Variants in AFF2 observed in about 807,000 individuals in gnomAD.
AFF2 encodes the protein AF4/FMR2 family member 2.
AFF2 carries 14 observed loss-of-function variants against 76.9 expected under a neutral mutation model. The observed-to-expected ratio is 0.18, with a 90% CI of 0.12 to 0.28. The LOEUF is 0.28. Ranked by LOEUF, AFF2 falls within the 10% of genes least tolerant of loss-of-function variation. The pLI, the probability that AFF2 is intolerant of heterozygous loss-of-function variation, is 1.00. For synonymous variants in AFF2, 398 were observed against 366.7 expected, an observed-to-expected ratio of 1.09 and a Z score of -0.98; for missense variants, 868 against 1,001.1, an observed-to-expected ratio of 0.87 and a Z score of 1.79.
intron 19 of AFF2, among the ~76,000 whole-genome samples, chrX:148,981,066 G>A (rs2072386268): frequency 1.8e-5 from 2 of 111,841 alleles, no homozygotes; most frequent in Non-Finnish European, 3.8e-5. Flanking sequence ...AGGGAGGCAG[G>A]ACAAAGTTAA....
At chrX:148,554,739 A>T (rs2053032623) in intron 1 of AFF2, among the ~76,000 whole-genome samples, 1 of 112,402 alleles carries the variant, frequency 8.9e-6, no homozygotes, top group African/African-American at 3.2e-5. Flanking sequence ...CTTCCACCCA[A>T]ACTGCTTTTG....
intron 3 of AFF2, among the ~76,000 whole-genome samples, chrX:148,685,024 G>A (rs1458819501): frequency 1.8e-5 from 2 of 112,221 alleles, no homozygotes; most frequent in African/African-American, 6.5e-5. Flanking sequence ...AATGCTTTTT[G>A]ATCTAAGTAG....
intron 13 of AFF2, among the ~76,000 whole-genome samples, chrX:148,965,711 T>G (rs1354997797): frequency 8.9e-6 from 1 of 112,389 alleles, no homozygotes; most frequent in Non-Finnish European, 1.9e-5. Flanking sequence ...CACTGTAGGC[T>G]GGAGCTTTGG....
At position 148,773,690 on chromosome X, in the gene AFF2, G is replaced by GAAAGAA. The variant is rs1454327725; in HGVS notation, c.1042-36184_1042-36179dup. ...GGAAAGAAGGAAGGAAGGAAGGAAA[G>GAAAGAA]AAAGAAAGAAAGAAAGAAAGAAAGA... On this transcript the variant is annotated intron_variant, in intron 3 of 20. Coordinates refer to ENST00000370460, the MANE Select transcript of AFF2 (RefSeq NM_002025.4). Among the ~76,000 whole-genome samples, 10 of 56,980 alleles carry GAAAGAA rather than the reference G, an allele frequency of 1.8e-4. No individual in the cohort carries two copies. The East Asian group carries it at 3.2e-3, about 18-fold the overall frequency. The allele number at this position is 56,980 out of a possible 115,157, so 49.5% of individuals were successfully genotyped here. A position where few individuals can be genotyped will look rare whatever the true frequency, so the allele number is the denominator to read the frequency against.
At chrX:148,912,033 A>G (rs782014211) in intron 9 of AFF2, among the ~76,000 whole-genome samples, 6 of 112,511 alleles carry the variant, frequency 5.3e-5, no homozygotes, top group Non-Finnish European at 1.1e-4. Flanking sequence ...TGGTGTATAT[A>G]CACCGTGGAA....
chrX:148,532,720 T>C (rs1232114485), intron 1 of AFF2, among the ~76,000 whole-genome samples: 1 of 112,253 alleles, frequency 8.9e-6, no homozygotes, highest in Non-Finnish European at 1.9e-5. Flanking sequence ...GCTTCCACAG[T>C]ATATGGATGA....
At chrX:148,829,487 C>G (rs2070427436) in intron 4 of AFF2, among the ~76,000 whole-genome samples, 1 of 111,906 alleles carries the variant, frequency 8.9e-6, no homozygotes, top group Non-Finnish European at 1.9e-5. Context: ...GGGCTGTTAG[C>G]TGTCTCACTG....
chrX:148,971,064 T>C (rs2072244451), intron 15 of AFF2, among the ~76,000 whole-genome samples: 1 of 110,688 alleles, frequency 9.0e-6, no homozygotes, highest in Non-Finnish European at 1.9e-5. Flanking sequence ...CCTGCCTGCA[T>C]TTTTCTCTTC....
At chrX:148,711,348 T>C (rs1348270589) in intron 3 of AFF2, among the ~76,000 whole-genome samples, 1 of 112,126 alleles carries the variant, frequency 8.9e-6, no homozygotes, top group African/African-American at 3.2e-5. Context: ...TTAGAAAATC[T>C]ACATTATTAT....
At chrX:148,965,198 GTC>G (rs1444767493) in intron 13 of AFF2, among the ~76,000 whole-genome samples, 2 of 112,008 alleles carry the variant, frequency 1.8e-5, no homozygotes, top group Admixed American at 9.5e-5. Context: ...CTCTTTGTTA[GTC>G]TCAGTGAGAA....
intron 9 of AFF2, among the ~76,000 whole-genome samples, chrX:148,945,831 G>A (rs1557286031): frequency 8.9e-6 from 1 of 112,299 alleles, no homozygotes; most frequent in African/African-American, 3.2e-5. Flanking sequence ...ACACTCAAAA[G>A]CAGATCATCT....
chrX:148,646,801 A>C (rs1381753724), intron 1 of AFF2, among the ~76,000 whole-genome samples: 1 of 111,503 alleles, frequency 9.0e-6, no homozygotes, highest in Non-Finnish European at 1.9e-5. Flanking sequence ...TGGTTTTAGA[A>C]ATTCCTTTCC....
chrX:148,622,434 C>T lies in AFF2; in HGVS notation c.48-29565C>T, dbSNP rs1224111238. ...AAACCTTAGCCCTTGCTTGTGACAC[C>T]TTCAACTGATTGGATGAGATCCACC... On this transcript the variant is annotated intron_variant, in intron 1 of 20. Coordinates refer to ENST00000370460, the MANE Select transcript of AFF2 (RefSeq NM_002025.4). Among the ~76,000 whole-genome samples, 3 of 111,576 alleles carry T rather than the reference C, an allele frequency of 2.7e-5. No homozygotes were observed. In the East Asian group the frequency reaches 8.6e-4, roughly 32 times the overall value.
intron 2 of AFF2, among the ~76,000 whole-genome samples, chrX:148,655,450 A>G (rs1383943574): frequency 1.8e-5 from 2 of 110,379 alleles, no homozygotes; most frequent in Non-Finnish European, 3.8e-5. Context: ...TAATTTTTGT[A>G]TTCTTAGTAG....
intron 3 of AFF2, among the ~76,000 whole-genome samples, chrX:148,746,590 C>A (rs370923755): frequency 1.8e-5 from 2 of 112,663 alleles, no homozygotes; most frequent in Admixed American, 9.3e-5. Context: ...AAAGGAATTA[C>A]CACAACCATA....
At chrX:148,808,066 C>T (rs2070159252) in intron 3 of AFF2, among the ~76,000 whole-genome samples, 1 of 112,286 alleles carries the variant, frequency 8.9e-6, no homozygotes, top group African/African-American at 3.2e-5. Context: ...AGACAGGTGT[C>T]TCACAGCTTT....
At chrX:148,522,129 T>C (rs782300980) in intron 1 of AFF2, among the ~76,000 whole-genome samples, 3 of 112,693 alleles carry the variant, frequency 2.7e-5, no homozygotes, top group Non-Finnish European at 5.6e-5. Context: ...AAAGTTCTGA[T>C]GCAAAATAGT....
Position 148,991,415 on chromosome X carries a change from A to G in AFF2, c.*83A>G. 1 of 993,320 alleles carries G rather than the reference A, an allele frequency of 1.0e-6. No individual in the cohort carries two copies. Among genetic ancestry groups the G allele is most frequent in the Non-Finnish European group, 1.3e-6 (1 of 751,640 alleles). 81.9% of individuals were successfully genotyped at this position (993,320 alleles called of 1,213,427 possible). ...GATGGTCACTGGTGGAACTCCACTCACTGGGGAACGTTCTCTTTGGTTATG... is the reference window on the plus strand; with the variant it reads ...GATGGTCACTGGTGGAACTCCACTCGCTGGGGAACGTTCTCTTTGGTTATG... On this transcript the variant is annotated 3_prime_UTR_variant, in exon 21 of 21. Transcript: ENST00000370460.
intron 9 of AFF2, among the ~76,000 whole-genome samples, chrX:148,921,832 G>A (rs934415797): frequency 1.2e-4 from 13 of 112,237 alleles, no homozygotes; most frequent in African/African-American, 3.6e-4. Context: ...AAGTATGAAT[G>A]GTGTTCTTCA....
Sources: gnomAD v4.1 joint callset for allele counts (sites outside exome capture counted in the v4.1 genomes callset) on GRCh38, gnomAD v4.1.1 for gene constraint, MANE v1.5 for transcripts, NCBI Gene and HGNC (gene_info 2026-07-23, HGNC 2026-07-21) for gene names.